NPLOC4: variants seen among roughly 807,000 people sequenced by gnomAD.
NPLOC4 encodes NPL4 homolog, ubiquitin recognition factor, also known as nuclear protein localization protein 4 homolog.
In NPLOC4, 18 loss-of-function variants were observed where a neutral mutation model predicts 80.6. That is an observed-to-expected ratio of 0.22 (90% CI 0.15 to 0.33). The LOEUF (loss-of-function observed/expected upper bound fraction) is 0.33, where lower values mean the gene tolerates loss of function less well. Among genes scored for constraint, NPLOC4 ranks in the 10% least tolerant of loss-of-function variants. The probability of loss-of-function intolerance (pLI) is 1.00; values close to 1 mark genes in which losing one functional copy is unlikely to be tolerated. For missense variants in NPLOC4, 540 were observed against 786.1 expected (o/e 0.69, Z 3.74); for synonymous variants, 313 against 301.5 (o/e 1.04, Z -0.39).
In NPLOC4 at chr17:81,579,115, C is replaced by T. The variant is rs1487221595; in HGVS notation, c.1282-7027G>A. On this transcript the variant is annotated intron_variant, in intron 12 of 16. Transcript: ENST00000331134. ...TACTGTTTAGCGTGGTGGCTCACGC[C>T]TGTAGTTCTAGCACTTTGGGAGGCA... Among the ~76,000 whole-genome samples, 11 of 152,216 alleles carry T rather than the reference C, an allele frequency of 7.2e-5. 1 individual carries two copies. The highest frequency in any genetic ancestry group is 5.9e-5 in the Non-Finnish European group (4 of 68,046).
chr17:81,604,545 T>TAC lies in NPLOC4; in HGVS notation c.834+1_834+2dup. On this transcript the variant is annotated splice_region_variant and intron_variant, in intron 8 of 16. Coordinates refer to ENST00000331134, the MANE Select transcript of NPLOC4 (RefSeq NM_017921.4). The stretch of plus-strand genomic sequence containing the variant: ...TCAGGAACTTGAATCCCGTCATGTT[T>TAC]ACCTGAGGTGGCTCATAAATCGCAG... 6.2e-7 allele frequency: 1 copy of TAC among 1,611,270 alleles called. No homozygotes were observed. The highest frequency in any genetic ancestry group is 8.5e-7 in the Non-Finnish European group (1 of 1,178,910).
intron 4 of NPLOC4, among the ~76,000 whole-genome samples, chr17:81,610,775 AC>A (rs1598664530): frequency 1.9e-5 from 1 of 52,052 alleles, no homozygotes; most frequent in Non-Finnish European, 5.8e-5. Context: ...ACAAGGTGAA[AC>A]CCCGTCTCTA....
intron 12 of NPLOC4, among the ~76,000 whole-genome samples, chr17:81,587,736 C>T (rs986281039): frequency 1.5e-5 from 2 of 136,510 alleles, no homozygotes; most frequent in East Asian, 2.1e-4. Flanking sequence ...TGCAGTGGCA[C>T]GATCTTAATG....
intron 2 of NPLOC4, among the ~76,000 whole-genome samples, chr17:81,628,382 C>T (rs1247468592): frequency 1.3e-5 from 2 of 151,358 alleles, no homozygotes; most frequent in Non-Finnish European, 2.9e-5. Context: ...GGTATGGTGG[C>T]GGGTGCCTGT....
intron 15 of NPLOC4, chr17:81,566,678 G>C (rs1055095352): frequency 6.6e-6 from 1 of 152,304 alleles, no homozygotes; most frequent in Admixed American, 6.5e-5. Context: ...GACAGAGAAA[G>C]GCCGGGGGAG....
intron 12 of NPLOC4, among the ~76,000 whole-genome samples, chr17:81,576,810 C>G (rs537267848): frequency 2.0e-5 from 3 of 152,268 alleles, no homozygotes; most frequent in African/African-American, 7.2e-5. Context: ...CAAAGAAGCA[C>G]AGAGAGCGGG....
At chr17:81,630,301 C>G (rs2035895591) in intron 1 of NPLOC4, among the ~76,000 whole-genome samples, 1 of 149,698 alleles carries the variant, frequency 6.7e-6, no homozygotes, top group Non-Finnish European at 1.5e-5. Flanking sequence ...TTTTTTTTTG[C>G]TTTTTTGAGA....
rs566566654 is a variant in NPLOC4 at position 81,575,191 on chromosome 17, C to A, written c.1282-3103G>T. Among the ~76,000 whole-genome samples, 4 of 152,268 alleles carry A rather than the reference C, an allele frequency of 2.6e-5. No homozygotes were observed. The East Asian group carries it at 7.7e-4, about 29-fold the overall frequency. The stretch of plus-strand genomic sequence containing the variant: ...CTCGGCTCACTGCAAGCTCCGCCTC[C>A]CGGGTTCAAGCCATTCTCCTGCCTC... On this transcript the variant is annotated intron_variant, in intron 12 of 16. Transcript: ENST00000331134.
intron 9 of NPLOC4, among the ~76,000 whole-genome samples, chr17:81,599,445 T>C (rs1176614444): frequency 6.6e-6 from 1 of 152,166 alleles, no homozygotes; most frequent in African/African-American, 2.4e-5. Context: ...TGAACCCAAA[T>C]ATGCCCCTAA....
Position 81,558,054 on chromosome 17 carries a change from A to G in NPLOC4, c.*1205T>C, listed in dbSNP as rs766307359. On this transcript the variant is annotated 3_prime_UTR_variant, in exon 17 of 17. Transcript: ENST00000331134. ...AGATGTGGCCATCATTAAGGCAAAGAAGCATCGAGATGCCCACCACTCCCC... is the reference window on the plus strand; with the variant it reads ...AGATGTGGCCATCATTAAGGCAAAGGAGCATCGAGATGCCCACCACTCCCC... 2 of 152,362 alleles carry G rather than the reference A, an allele frequency of 1.3e-5. No individual in the cohort carries two copies. The highest frequency in any genetic ancestry group is 4.8e-5 in the African/African-American group (2 of 41,420). The allele number at this position is 152,362 out of a possible 1,614,324, so 9.4% of individuals were successfully genotyped here.
intron 2 of NPLOC4, among the ~76,000 whole-genome samples, chr17:81,628,994 TCAGCCTCACCAGCAGCTGGGA>T: frequency 6.6e-6 from 1 of 150,672 alleles, no homozygotes; most frequent in East Asian, 2.0e-4. Context: ...TTCTCCTGCC[TCAGCCTCACCAGCAGCTGGGA>T]CTACAGGTGC....
chr17:81,591,467 A>C (rs905998600), intron 11 of NPLOC4, among the ~76,000 whole-genome samples: 5 of 145,188 alleles, frequency 3.4e-5, no homozygotes, highest in African/African-American at 1.3e-4. Flanking sequence ...AAAAAAAAAA[A>C]AAAAACCTGC....
Position 81,572,715 on chromosome 17 carries a change from T to A in NPLOC4, c.1282-627A>T, listed in dbSNP as rs530440589. ...CTTGGCCTGGCACTCAGGCGCGATC[T>A]GCGACAGGCAGAAGGGTCTGCGTTC... On this transcript the variant is annotated intron_variant, in intron 12 of 16. Transcript: ENST00000331134. The surrounding 1 kb of genome is among the most constrained non-coding windows in gnomAD (Gnocchi z 4.5). Among the ~76,000 whole-genome samples the A allele has an allele frequency of 3.3e-5, 5 of 152,356 alleles. No individual in the cohort carries two copies. Among genetic ancestry groups the A allele is most frequent in the Admixed American group, 6.5e-5 (1 of 15,300 alleles).
At chr17:81,587,869 G>C (rs1037192317) in intron 12 of NPLOC4, among the ~76,000 whole-genome samples, 1 of 150,372 alleles carries the variant, frequency 6.7e-6, no homozygotes, top group African/African-American at 2.4e-5. Context: ...TAGAGACGGG[G>C]TTTCACCGTG....
Position 81,559,415 on chromosome 17 carries a change from G to T in NPLOC4, c.1671C>A (p.Ser557Arg). 6.2e-7 allele frequency: 1 copy of T among 1,609,028 alleles called. No individual in the cohort carries two copies. The highest frequency in any genetic ancestry group is 1.1e-5 in the South Asian group (1 of 90,164). Reference protein sequence around the residue: ...EQWATIEQLCSTVGGQLPGLH... With the variant: ...EQWATIEQLCRTVGGQLPGLH... ...GACCTGGGAGCTGCCCGCCAACTGT[G>T]CCTGCAGGGTGGAAGAGAAATGAGC... The change falls in exon 17 of 17, where the codon AGC becomes AGA. Residue 557 changes from serine (S) to arginine (R), a missense_variant and splice_region_variant. This residue lies in a region of NPLOC4 where 251 missense variants were observed against 377.5 expected (regional missense o/e 0.66). Coordinates refer to ENST00000331134, the MANE Select transcript of NPLOC4 (RefSeq NM_017921.4).
Position 81,567,826 on chromosome 17 carries a change from A to T in NPLOC4, c.1450-293T>A. The T allele has an allele frequency of 7.2e-6, 2 of 276,870 alleles. No homozygotes were observed. The highest frequency in any genetic ancestry group is 1.0e-4 in the South Asian group (2 of 19,436). The allele number at this position is 276,870 out of a possible 1,614,324, so 17.2% of individuals were successfully genotyped here. A position where few individuals can be genotyped will look rare whatever the true frequency, so the allele number is the denominator to read the frequency against. On this transcript the variant is annotated intron_variant, in intron 14 of 16. Transcript: ENST00000331134. The surrounding 1 kb of genome is among the most constrained non-coding windows in gnomAD (Gnocchi z 4.5). Reference sequence around the variant, plus strand: ...GCCAGGTGTGGAGGCTAACACAGTAATTCCAGCACTTTTTAGGAGGCCGAG... The same window carrying T: ...GCCAGGTGTGGAGGCTAACACAGTATTTCCAGCACTTTTTAGGAGGCCGAG...
In NPLOC4 at chr17:81,565,644, G is replaced by A. The variant is rs1331839786; in HGVS notation, c.1567-37C>T. 4 of 1,456,886 alleles carry A rather than the reference G, an allele frequency of 2.7e-6. No individual in the cohort carries two copies. In the East Asian group the frequency reaches 7.4e-5, roughly 27 times the overall value. The allele number at this position is 1,456,886 out of a possible 1,614,324, so 90.2% of individuals were successfully genotyped here. A position where few individuals can be genotyped will look rare whatever the true frequency, so the allele number is the denominator to read the frequency against. ...CAAAAGGAAGGTTCCTCTTCGCTGT[G>A]CCTAAGGTGAGCAGCTTCCTGCTAG... On this transcript the variant is annotated intron_variant, in intron 15 of 16. Transcript: ENST00000331134.
chr17:81,621,196 A>AGT (rs2035657404), intron 3 of NPLOC4, among the ~76,000 whole-genome samples: 3 of 152,180 alleles, frequency 2.0e-5, no homozygotes, highest in African/African-American at 7.2e-5. Flanking sequence ...AGGATGAACC[A>AGT]GTGTCACTCT....
intron 2 of NPLOC4, among the ~76,000 whole-genome samples, chr17:81,623,898 G>A (rs2035732448): frequency 6.6e-6 from 1 of 152,116 alleles, no homozygotes; most frequent in Admixed American, 6.6e-5. Context: ...GCTAGATGCT[G>A]GGAATATTCA....
Sources: gnomAD v4.1 joint callset for allele counts (sites outside exome capture counted in the v4.1 genomes callset) on GRCh38, gnomAD v4.1.1 for gene constraint, gnomAD v4.1.1 regional missense constraint, Gnocchi (gnomAD v3.1) non-coding constraint, MANE v1.5 for transcripts, NCBI Gene and HGNC (gene_info 2026-07-23, HGNC 2026-07-21) for gene names.